LDB2: variants seen among roughly 807,000 people sequenced by gnomAD.
LDB2 encodes the protein LIM domain binding 2.
LDB2 carries 12 observed loss-of-function variants against 44.3 expected under a neutral mutation model. That is an observed-to-expected ratio of 0.27 (90% CI 0.17 to 0.44). LDB2 has a LOEUF of 0.44. Among genes scored for constraint, LDB2 ranks in the 20% least tolerant of loss-of-function variants. The pLI is 1.00. For missense variants in LDB2, 344 were observed against 473.5 expected, an observed-to-expected ratio of 0.73 and a Z score of 2.54; for synonymous variants, 164 against 174.8, an observed-to-expected ratio of 0.94 and a Z score of 0.49.
intron 2 of LDB2, among the ~76,000 whole-genome samples, chr4:16,609,573 C>T (rs911777191): frequency 1.3e-5 from 2 of 152,206 alleles, no homozygotes; most frequent in Admixed American, 6.5e-5. Flanking sequence ...CCCAACACAT[C>T]GGCTGTGGCA....
intron 2 of LDB2, among the ~76,000 whole-genome samples, chr4:16,706,159 C>T (rs1754561761): frequency 6.6e-6 from 1 of 152,126 alleles, no homozygotes; most frequent in South Asian, 2.1e-4. Context: ...TGCTAAGCCC[C>T]ATGTTAAGTC....
chr4:16,528,901 CAGTT>C (rs1485829925), intron 5 of LDB2, among the ~76,000 whole-genome samples: 2 of 151,982 alleles, frequency 1.3e-5, no homozygotes, highest in East Asian at 1.9e-4. Context: ...CCTGTCTACT[CAGTT>C]AGTTCAGAGC....
At chr4:16,559,807 T>C (rs910634498) in intron 5 of LDB2, among the ~76,000 whole-genome samples, 23 of 152,212 alleles carry the variant, frequency 1.5e-4, no homozygotes, top group African/African-American at 5.1e-4. Flanking sequence ...ATTGACCACA[T>C]AGTTGGAAGT....
intron 5 of LDB2, among the ~76,000 whole-genome samples, chr4:16,538,607 C>A (rs1305403266): frequency 6.6e-6 from 1 of 152,138 alleles, no homozygotes; most frequent in Non-Finnish European, 1.5e-5. Flanking sequence ...AGCTAGAGGA[C>A]AAGTTTTAGA....
intron 2 of LDB2, among the ~76,000 whole-genome samples, chr4:16,597,587 A>C (rs966038298): frequency 2.0e-5 from 3 of 152,210 alleles, no homozygotes; most frequent in Non-Finnish European, 4.4e-5. Flanking sequence ...CAGCCTAAGT[A>C]ATTTGACAAT....
intron 1 of LDB2, among the ~76,000 whole-genome samples, chr4:16,792,416 T>C (rs1274222115): frequency 1.3e-5 from 2 of 152,230 alleles, no homozygotes; most frequent in African/African-American, 4.8e-5. Flanking sequence ...CTGACTTCAG[T>C]CTCAGCCATG....
At chr4:16,657,944 G>T (rs1236017213) in intron 2 of LDB2, among the ~76,000 whole-genome samples, 1 of 152,170 alleles carries the variant, frequency 6.6e-6, no homozygotes, top group Non-Finnish European at 1.5e-5. Context: ...ACATGTTTCT[G>T]TGTGTGTTCT....
Position 16,751,330 on chromosome 4 carries a change from T to G in LDB2, c.235+7828A>C, listed in dbSNP as rs561600747. 5.9e-5 allele frequency among the ~76,000 whole-genome samples: 9 copies of G among 152,354 alleles called. No individual in the cohort carries two copies. The South Asian group carries it at 1.9e-3, about 32-fold the overall frequency. On this transcript the variant is annotated intron_variant, in intron 2 of 7. Transcript: ENST00000304523. ...TTATAAATATGATAATAATTATACCTTCAACTTGTACCGCACTTTAAATTC... is the reference window on the plus strand; with the variant it reads ...TTATAAATATGATAATAATTATACCGTCAACTTGTACCGCACTTTAAATTC...
At chr4:16,858,976 G>T (rs1711549147) in intron 1 of LDB2, among the ~76,000 whole-genome samples, 2 of 152,126 alleles carry the variant, frequency 1.3e-5, no homozygotes, top group South Asian at 4.1e-4. Context: ...TCTTCAGATA[G>T]AACTTTGCTC....
chr4:16,737,167 T>C (rs1194856715), intron 2 of LDB2, among the ~76,000 whole-genome samples: 3 of 152,180 alleles, frequency 2.0e-5, no homozygotes, highest in Non-Finnish European at 4.4e-5. Flanking sequence ...AATTTGACCA[T>C]GTCTATTAAA....
intron 5 of LDB2, among the ~76,000 whole-genome samples, chr4:16,549,637 A>G (rs534575848): frequency 6.6e-6 from 1 of 152,298 alleles, no homozygotes; most frequent in East Asian, 1.9e-4. Flanking sequence ...AGGACAGACC[A>G]AGGCGCACCT....
Position 16,823,686 on chromosome 4 carries a change from T to G in LDB2, c.133-64426A>C, listed in dbSNP as rs1044251089. On this transcript the variant is annotated intron_variant, in intron 1 of 7. Transcript: ENST00000304523. ...CTTTGAACTGAAACAGAAAAAGAAA[T>G]AAATAAATAACTAGCTCTGATGATT... Among the ~76,000 whole-genome samples the G allele has an allele frequency of 6.6e-5, 10 of 152,152 alleles. No homozygotes were observed. The East Asian group carries it at 9.7e-4, about 15-fold the overall frequency.
At chr4:16,674,131 T>G (rs1454868949) in intron 2 of LDB2, 4 of 741,366 alleles carry the variant, frequency 5.4e-6, no homozygotes, top group African/African-American at 1.8e-5. Flanking sequence ...TCCCTGAGAA[T>G]ATTTCCCATT....
intron 5 of LDB2, among the ~76,000 whole-genome samples, chr4:16,561,708 G>GA (rs960431207): frequency 2.6e-4 from 40 of 152,124 alleles, no homozygotes; most frequent in African/African-American, 8.4e-4. Flanking sequence ...CACAGAATTG[G>GA]AAAAAAACTA....
intron 2 of LDB2, among the ~76,000 whole-genome samples, chr4:16,598,544 A>G (rs527378320): frequency 2.5e-4 from 38 of 152,294 alleles, no homozygotes; most frequent in African/African-American, 8.9e-4. Flanking sequence ...TTTCAGAAAC[A>G]TAAGTAAATA....
chr4:16,741,882 T>C (rs1448041953), intron 2 of LDB2, among the ~76,000 whole-genome samples: 2 of 152,214 alleles, frequency 1.3e-5, no homozygotes, highest in Non-Finnish European at 2.9e-5. Context: ...AAATTATCTA[T>C]GATCTAGAGT....
intron 2 of LDB2, among the ~76,000 whole-genome samples, chr4:16,686,058 A>C (rs1398611680): frequency 6.6e-6 from 1 of 152,172 alleles, no homozygotes; most frequent in Admixed American, 6.5e-5. Context: ...TCTAAAAAAA[A>C]AGGCAAAAGT....
At chr4:16,711,474 G>A (rs568811887) in intron 2 of LDB2, among the ~76,000 whole-genome samples, 4 of 152,280 alleles carry the variant, frequency 2.6e-5, no homozygotes, top group African/African-American at 9.6e-5. Context: ...GTGTTGGCAG[G>A]GACAAGATTG....
intron 1 of LDB2, among the ~76,000 whole-genome samples, chr4:16,849,462 C>T (rs980825037): frequency 4.6e-5 from 7 of 152,108 alleles, no homozygotes; most frequent in African/African-American, 1.4e-4. Flanking sequence ...TAATTAATAC[C>T]GATAGAATGA....
Sources: allele counts gnomAD v4.1 joint callset (sites outside exome capture counted in the v4.1 genomes callset), GRCh38; gene constraint gnomAD v4.1.1; transcripts MANE v1.5; gene names NCBI Gene and HGNC (gene_info 2026-07-23, HGNC 2026-07-21).